MDGA2: variants seen among roughly 807,000 people sequenced by gnomAD.
MDGA2 encodes MAM domain containing glycosylphosphatidylinositol anchor 2.
In MDGA2, 40 loss-of-function variants were observed where a neutral mutation model predicts 117.8. The observed-to-expected ratio is 0.34, with a 90% CI of 0.26 to 0.44. The LOEUF (loss-of-function observed/expected upper bound fraction) is 0.44. Ranked by LOEUF, MDGA2 falls within the 20% of genes least tolerant of loss-of-function variation. The probability of loss-of-function intolerance (pLI) is 1.00; values close to 1 mark genes in which losing one functional copy is unlikely to be tolerated. For synonymous variants in MDGA2, 452 were observed against 439.0 expected (o/e 1.03, Z -0.37); for missense variants, 1,123 against 1,250.6 (o/e 0.90, Z 1.54).
chr14:47,141,403 C>A (rs1362697444), intron 4 of MDGA2, among the ~76,000 whole-genome samples: 2 of 152,116 alleles, frequency 1.3e-5, no homozygotes, highest in African/African-American at 2.4e-5. Flanking sequence ...AAGTGTCCAT[C>A]AACAGATGAA....
chr14:47,099,401 A>G (rs1456720236), intron 5 of MDGA2, among the ~76,000 whole-genome samples: 1 of 151,970 alleles, frequency 6.6e-6, no homozygotes, highest in Admixed American at 6.6e-5. Context: ...ACATAAAAAT[A>G]TTTTTGTCCA....
intron 6 of MDGA2, among the ~76,000 whole-genome samples, chr14:47,084,263 T>G (rs1236573525): frequency 6.6e-6 from 1 of 151,958 alleles, no homozygotes; most frequent in East Asian, 1.9e-4. Flanking sequence ...ATCTCCAAAT[T>G]CTTGGAAACT....
intron 2 of MDGA2, among the ~76,000 whole-genome samples, chr14:47,247,047 T>A (rs1887264066): frequency 6.6e-6 from 1 of 151,840 alleles, no homozygotes; most frequent in Admixed American, 6.6e-5. Context: ...TTTCTGTGAA[T>A]AAAAATTACT....
intron 1 of MDGA2, among the ~76,000 whole-genome samples, chr14:47,524,980 T>A (rs1051464105): frequency 3.1e-4 from 47 of 152,180 alleles, no homozygotes; most frequent in Non-Finnish European, 2.9e-5. Context: ...CACATTCAAT[T>A]TAAGAATACC....
rs565525775 is a variant in MDGA2, at chr14:47,471,940, T to C, written c.281-170390A>G. Among the ~76,000 whole-genome samples, 34 of 152,292 alleles carry C rather than the reference T, an allele frequency of 2.2e-4. No individual in the cohort carries two copies. In the South Asian group the frequency reaches 6.4e-3, roughly 29 times the overall value. ...AAATAGAATGTTTATGGTGTTATTA[T>C]ATTTTCAGGGAATACTGGATAAAAT... On this transcript the variant is annotated intron_variant, in intron 1 of 16. Transcript: ENST00000399232.
At chr14:47,068,800 T>A (rs1890174661) in intron 6 of MDGA2, among the ~76,000 whole-genome samples, 1 of 152,216 alleles carries the variant, frequency 6.6e-6, no homozygotes, top group African/African-American at 2.4e-5. Context: ...TTAATATTTA[T>A]GAAATTGATC....
chr14:47,050,400 G>A (rs775499539), intron 7 of MDGA2, among the ~76,000 whole-genome samples: 7 of 151,942 alleles, frequency 4.6e-5, no homozygotes, highest in Admixed American at 6.6e-5. Flanking sequence ...CTGTCTACTT[G>A]TAACTTACTT....
rs191229647 is a variant in MDGA2 at position 47,255,557 on chromosome 14, A to G, written c.421-37362T>C. On this transcript the variant is annotated intron_variant, in intron 2 of 16. Transcript: ENST00000399232. ...TACTTTCTTCACAGGAAGTTTTCCTAGGCCCTAACTTCTCCCTCCTCTTTT... is the reference window on the plus strand; with the variant it reads ...TACTTTCTTCACAGGAAGTTTTCCTGGGCCCTAACTTCTCCCTCCTCTTTT... Among the ~76,000 whole-genome samples, 96 of 152,344 alleles carry G rather than the reference A, an allele frequency of 6.3e-4. 1 individual carries two copies. Among genetic ancestry groups the G allele is most frequent in the Admixed American group, 5.9e-3 (90 of 15,300 alleles).
chr14:47,226,224 A>G (rs1227548929), intron 2 of MDGA2, among the ~76,000 whole-genome samples: 1 of 143,388 alleles, frequency 7.0e-6, no homozygotes, highest in Non-Finnish European at 1.6e-5. Flanking sequence ...ACCATAAATA[A>G]ATAAATAAAT....
At chr14:46,861,914 T>C (rs539308507) in intron 14 of MDGA2, among the ~76,000 whole-genome samples, 5 of 152,050 alleles carry the variant, frequency 3.3e-5, no homozygotes, top group African/African-American at 1.2e-4. Flanking sequence ...ACTTGTGAAA[T>C]AGAATAAAGC....
chr14:47,638,054 G>A (rs976904638), intron 1 of MDGA2, among the ~76,000 whole-genome samples: 1 of 152,150 alleles, frequency 6.6e-6, no homozygotes, highest in Non-Finnish European at 1.5e-5. Context: ...CACAGAAGCT[G>A]GTTTAATGAT....
chr14:47,103,366 A>G (rs1880448697), intron 5 of MDGA2, among the ~76,000 whole-genome samples: 1 of 152,222 alleles, frequency 6.6e-6, no homozygotes, highest in Admixed American at 6.5e-5. Flanking sequence ...TGAATATTTC[A>G]CAAAATAAAG....
chr14:47,455,323 T>C (rs1215132215), intron 1 of MDGA2, among the ~76,000 whole-genome samples: 1 of 152,020 alleles, frequency 6.6e-6, no homozygotes, highest in Non-Finnish European at 1.5e-5. Context: ...CTGGCCAACA[T>C]GGTGAAACCC....
chr14:46,898,135 A>G (rs888085217), intron 10 of MDGA2, among the ~76,000 whole-genome samples: 4 of 152,092 alleles, frequency 2.6e-5, no homozygotes, highest in African/African-American at 7.2e-5. Context: ...AACATATGAC[A>G]TAATCCTTCT....
At chr14:47,247,728 G>T (rs1250534497) in intron 2 of MDGA2, among the ~76,000 whole-genome samples, 1 of 151,036 alleles carries the variant, frequency 6.6e-6, no homozygotes, top group Non-Finnish European at 1.5e-5. Flanking sequence ...GTGCCATGGT[G>T]GTTTGCTGTA....
At chr14:47,471,162 G>T (rs10483570) in intron 1 of MDGA2, among the ~76,000 whole-genome samples, 53,452 of 151,702 alleles carry the variant, frequency 0.35, 9,689 homozygotes, top group East Asian at 0.59. Flanking sequence ...TGCCAGGTAC[G>T]TGGTAGATGG....
intron 1 of MDGA2, among the ~76,000 whole-genome samples, chr14:47,645,091 A>G (rs1897500641): frequency 6.6e-6 from 1 of 152,144 alleles, no homozygotes; most frequent in South Asian, 2.1e-4. Context: ...TATAAGACTC[A>G]TTTCAGATTT....
At chr14:46,958,264 A>G (rs1299465344) in intron 8 of MDGA2, among the ~76,000 whole-genome samples, 1 of 152,098 alleles carries the variant, frequency 6.6e-6, no homozygotes, top group Admixed American at 6.6e-5. Flanking sequence ...AGGTAGAGGA[A>G]TGGGTACATA....
At chr14:47,342,426 C>T (rs889626575) in intron 1 of MDGA2, among the ~76,000 whole-genome samples, 1 of 151,700 alleles carries the variant, frequency 6.6e-6, no homozygotes, top group African/African-American at 2.4e-5. Context: ...AGGTTCATAG[C>T]TAGTGAATGG....
Sources: allele counts gnomAD v4.1 joint callset (sites outside exome capture counted in the v4.1 genomes callset), GRCh38; gene constraint gnomAD v4.1.1; transcripts MANE v1.5; gene names NCBI Gene and HGNC (gene_info 2026-07-23, HGNC 2026-07-21).